The following LPAR6 variants were observed in gnomAD, a reference collection of about 807,000 sequenced individuals.
LPAR6 encodes the protein lysophosphatidic acid receptor 6, also known as G-protein coupled purinergic receptor P2Y5.
In LPAR6, 17 loss-of-function variants were observed where a neutral mutation model predicts 22.0. That is an observed-to-expected ratio of 0.77 (90% CI 0.53 to 1.16). The LOEUF is 1.16. Ranked by LOEUF, LPAR6 falls within the 50% of genes most tolerant of loss-of-function variation. The pLI, the probability that LPAR6 is intolerant of heterozygous loss-of-function variation, is 0.00. For missense variants in LPAR6, 384 were observed against 406.9 expected (o/e 0.94, Z 0.48); for synonymous variants, 136 against 139.8 (o/e 0.97, Z 0.19).
intron 1 of LPAR6, among the ~76,000 whole-genome samples, chr13:48,402,053 C>A (rs1324547535): frequency 1.3e-5 from 2 of 151,586 alleles, no homozygotes; most frequent in Non-Finnish European, 2.9e-5. Context: ...TAGTTTTTTT[C>A]TTTTAAACAT....
chr13:48,401,058 T>A (rs1455560170), intron 1 of LPAR6, among the ~76,000 whole-genome samples: 3 of 152,150 alleles, frequency 2.0e-5, no homozygotes, highest in Non-Finnish European at 4.4e-5. Context: ...CAGTTGGAAT[T>A]TGTTATGTTG....
At chr13:48,407,713 A>C (rs1391800491), downstream of LPAR6, among the ~76,000 whole-genome samples, 1 of 152,174 alleles carries the variant, frequency 6.6e-6, no homozygotes, top group Non-Finnish European at 1.5e-5. Flanking sequence ...ATTTCTTAGA[A>C]GCCATGTTAT....
intron 1 of LPAR6, among the ~76,000 whole-genome samples, chr13:48,424,937 C>T (rs1303225399): frequency 6.6e-6 from 1 of 151,954 alleles, no homozygotes; most frequent in Admixed American, 6.6e-5. Flanking sequence ...ACCTGTAATC[C>T]CAGCTACTCA....
At chr13:48,403,267 A>G (rs915782293) in intron 1 of LPAR6, among the ~76,000 whole-genome samples, 1 of 152,150 alleles carries the variant, frequency 6.6e-6, no homozygotes, top group Non-Finnish European at 1.5e-5. Context: ...AGATAATGGA[A>G]CTCAGTGTAT....
At chr13:48,416,455 C>A (rs1027877367), upstream of LPAR6, 5 of 152,490 alleles carry the variant, frequency 3.3e-5, no homozygotes, top group African/African-American at 1.2e-4. Context: ...GCAATTCCCT[C>A]GGGTGCCTAC....
At chr13:48,410,325 T>C (rs1446735262), downstream of LPAR6, among the ~76,000 whole-genome samples, 2 of 152,236 alleles carry the variant, frequency 1.3e-5, no homozygotes, top group African/African-American at 4.8e-5. Flanking sequence ...TACAGTATTC[T>C]TTGCAGTAGC....
intron 1 of LPAR6, among the ~76,000 whole-genome samples, chr13:48,401,883 T>C (rs1488908715): frequency 6.6e-6 from 1 of 152,208 alleles, no homozygotes; most frequent in Non-Finnish European, 1.5e-5. Context: ...TTATATTCCT[T>C]AAGAATTCTT....
intron 1 of LPAR6, among the ~76,000 whole-genome samples, chr13:48,404,603 T>C (rs144422975): frequency 2.6e-5 from 4 of 152,066 alleles, no homozygotes; most frequent in African/African-American, 9.7e-5. Flanking sequence ...CTCCGCTCAC[T>C]GCAACCGCTG....
At position 48,440,015 on chromosome 13, in the gene LPAR6, G is replaced by A. The variant is rs4151570; in HGVS notation, c.-1474+4538C>T. Among the ~76,000 whole-genome samples the A allele has an allele frequency of 8.5e-3, 1,287 of 152,188 alleles. 16 individuals are homozygous for A. Among genetic ancestry groups the A allele is most frequent in the African/African-American group, 0.03 (1,244 of 41,526 alleles). On this transcript the variant is annotated intron_variant, in intron 1 of 6. Transcript: ENST00000378434. ...ATATTTTTATATGTATATGAGAGAA[G>A]TATCAGGAATAGGGTAGGAAGGAGA...
chr13:48,420,608 C>T (rs1340606095), intron 2 of LPAR6, among the ~76,000 whole-genome samples: 2 of 152,180 alleles, frequency 1.3e-5, no homozygotes, highest in African/African-American at 2.4e-5. Context: ...TCTCTGTTTG[C>T]AGAGACAATG....
chr13:48,420,560 TA>T (rs1324145795), intron 2 of LPAR6, among the ~76,000 whole-genome samples: 4 of 152,036 alleles, frequency 2.6e-5, no homozygotes, highest in Non-Finnish European at 2.9e-5. Flanking sequence ...GAGGAAGAAA[TA>T]AAGCGTATTC....
chr13:48,441,055 A>G (rs1315783320), intron 1 of LPAR6, among the ~76,000 whole-genome samples: 1 of 152,248 alleles, frequency 6.6e-6, no homozygotes, highest in Non-Finnish European at 1.5e-5. Context: ...GGATCTGTTC[A>G]GTCTGCTTTA....
intron 1 of LPAR6, among the ~76,000 whole-genome samples, chr13:48,433,853 G>A (rs1949155938): frequency 1.3e-5 from 2 of 151,496 alleles, no homozygotes; most frequent in Admixed American, 1.3e-4. Flanking sequence ...TACAACTTTT[G>A]TCTTTATTAC....
chr13:48,410,446 G>A (rs555971661), downstream of LPAR6, among the ~76,000 whole-genome samples: 1 of 152,178 alleles, frequency 6.6e-6, no homozygotes, highest in East Asian at 1.9e-4. Context: ...ATGTTTGCAC[G>A]ACATAATTAC....
At chr13:48,434,880 T>C (rs562069122) in intron 1 of LPAR6, among the ~76,000 whole-genome samples, 1 of 152,372 alleles carries the variant, frequency 6.6e-6, no homozygotes, top group Non-Finnish European at 1.5e-5. Flanking sequence ...ATTCACGATA[T>C]TGCATGTATC....
chr13:48,404,340 A>T (rs965004677), intron 1 of LPAR6: 1 of 152,172 alleles, frequency 6.6e-6, no homozygotes, highest in East Asian at 1.9e-4. Flanking sequence ...TAGGTTATGT[A>T]GTTCCTTACT....
intron 1 of LPAR6, chr13:48,439,468 T>C: frequency 6.6e-6 from 1 of 152,162 alleles, no homozygotes; most frequent in Non-Finnish European, 1.5e-5. Context: ...GATAGAAAGA[T>C]TACGGTTGTT....
chr13:48,416,818 G>T (rs150278915), upstream of LPAR6, among the ~76,000 whole-genome samples: 5 of 152,144 alleles, frequency 3.3e-5, no homozygotes, highest in South Asian at 2.1e-4. Context: ...CAAAGCCACC[G>T]GGAAGTTTGA....
upstream of LPAR6, among the ~76,000 whole-genome samples, chr13:48,417,976 A>T (rs548779718): frequency 6.6e-6 from 1 of 152,322 alleles, no homozygotes; most frequent in South Asian, 2.1e-4. Flanking sequence ...TATCCAGGAG[A>T]ATTTCCCCAA....
Sources: gnomAD v4.1 joint callset for allele counts (sites outside exome capture counted in the v4.1 genomes callset) on GRCh38, gnomAD v4.1.1 for gene constraint, MANE v1.5 for transcripts, NCBI Gene and HGNC (gene_info 2026-07-23, HGNC 2026-07-21) for gene names.